DCAF12: variants seen among roughly 807,000 people sequenced by gnomAD.
DCAF12 encodes the protein DDB1 and CUL4 associated factor 12.
Under a neutral mutation model 52.8 loss-of-function variants are expected in DCAF12, and 28 were observed. The ratio of observed to expected loss-of-function variants is 0.53; its 90% CI spans 0.39 to 0.73. DCAF12 has a LOEUF of 0.73. Among genes scored for constraint, DCAF12 ranks in the 30% least tolerant of loss-of-function variants. The probability of loss-of-function intolerance (pLI) is 0.00; values close to 1 mark genes in which losing one functional copy is unlikely to be tolerated. For missense variants in DCAF12, 425 were observed against 552.2 expected, an observed-to-expected ratio of 0.77 and a Z score of 2.31; for synonymous variants, 196 against 215.5, an observed-to-expected ratio of 0.91 and a Z score of 0.79.
At chr9:34,101,433 C>T (rs935280319) in intron 4 of DCAF12, among the ~76,000 whole-genome samples, 2 of 151,370 alleles carry the variant, frequency 1.3e-5, no homozygotes, top group Non-Finnish European at 2.9e-5. Flanking sequence ...ACTCTTATTG[C>T]CCAGGCTAGA....
chr9:34,109,318 T>C (rs1223444383), intron 2 of DCAF12: 1 of 198,824 alleles, frequency 5.0e-6, no homozygotes, highest in South Asian at 1.1e-4. Flanking sequence ...CTGGAAGGCT[T>C]TGTGCCAGAA....
At chr9:34,099,037 T>C (rs1213013445) in intron 4 of DCAF12, among the ~76,000 whole-genome samples, 1 of 149,824 alleles carries the variant, frequency 6.7e-6, no homozygotes, top group African/African-American at 2.5e-5. Context: ...CCCAAAGTGC[T>C]AGGATTACAG....
chr9:34,106,064 C>T (rs144118073), intron 4 of DCAF12, among the ~76,000 whole-genome samples: 27 of 151,444 alleles, frequency 1.8e-4, no homozygotes, highest in Admixed American at 5.3e-4. Flanking sequence ...TTAAAATTTT[C>T]TTACAATAAA....
chr9:34,115,055 A>C (rs1829063182), intron 2 of DCAF12, among the ~76,000 whole-genome samples: 1 of 152,134 alleles, frequency 6.6e-6, no homozygotes, highest in Non-Finnish European at 1.5e-5. Flanking sequence ...ACTGGAGCCC[A>C]ATGAGAAAGG....
At position 34,126,337 on chromosome 9, in the gene DCAF12, G is replaced by A. The variant is rs1829249467; in HGVS notation, c.78+17C>T. The stretch of plus-strand genomic sequence containing the variant: ...TCCTCAGCCTCACCACCCAGGTGCC[G>A]GCCTCTCAACCCTCACCTGCGGGCC... On this transcript the variant is annotated intron_variant, in intron 1 of 8. Coordinates refer to ENST00000361264, the MANE Select transcript of DCAF12 (RefSeq NM_015397.4). 1 of 1,611,930 alleles carries A rather than the reference G, an allele frequency of 6.2e-7. No homozygotes were observed. Among genetic ancestry groups the A allele is most frequent in the Non-Finnish European group, 8.5e-7 (1 of 1,179,592 alleles).
chr9:34,093,357 T>G lies in DCAF12; in HGVS notation c.953A>C (p.His318Pro), dbSNP rs754261955. 6.2e-7 allele frequency: 1 copy of G among 1,614,220 alleles called. No homozygotes were observed. The highest frequency in any genetic ancestry group is 1.1e-5 in the South Asian group (1 of 91,090). The part of the protein sequence containing the change: ...WSVYAVGSQA[H>P]VSFLDPRQPS... ...CTGCCGTGGATCCAAGAAGGAGACA[T>G]GAGCTTGGGAGCCCACTGCATAAAC... Residue 318 changes from histidine to proline, a missense_variant, in exon 7 of 9, where the codon CAT (histidine) becomes CCT (proline). By Grantham distance (77) the His-to-Pro change is moderately conservative. Around this residue, in one of 3 missense-constraint regions of DCAF12, gnomAD observed 328 missense variants for 444.4 expected, o/e 0.74. Coordinates refer to ENST00000361264, the MANE Select transcript of DCAF12 (RefSeq NM_015397.4).
intron 6 of DCAF12, among the ~76,000 whole-genome samples, chr9:34,095,224 A>G (rs1206635475): frequency 1.3e-5 from 2 of 151,272 alleles, no homozygotes; most frequent in East Asian, 2.0e-4. Context: ...ACAGACGCCC[A>G]CCACCACGCC....
chr9:34,088,564 G>C (rs878875671), intron 8 of DCAF12, 56 bp from the exon 9 acceptor site: 10 of 1,592,512 alleles, frequency 6.3e-6, no homozygotes, highest in African/African-American at 2.7e-5. Context: ...GCAGGAAAAG[G>C]GGGAGGAAGG....
At chr9:34,089,997 A>G (rs1185939094) in intron 7 of DCAF12, 1 of 158,886 alleles carries the variant, frequency 6.3e-6, no homozygotes, top group Non-Finnish European at 1.4e-5. Context: ...CTGCATATTT[A>G]TAAATCATTA....
intron 2 of DCAF12, among the ~76,000 whole-genome samples, chr9:34,123,239 C>A (rs1829201989): frequency 6.6e-6 from 1 of 152,226 alleles, no homozygotes; most frequent in African/African-American, 2.4e-5. Flanking sequence ...CCTCTGAAAT[C>A]TTCACACATT....
At chr9:34,114,163 G>A (rs114179064) in intron 2 of DCAF12, among the ~76,000 whole-genome samples, 2,378 of 152,146 alleles carry the variant, frequency 0.016, 54 homozygotes, top group African/African-American at 0.054. Flanking sequence ...CTATAAAAAA[G>A]AATGAAATCC....
At chr9:34,103,479 C>T (rs1359712568) in intron 4 of DCAF12, among the ~76,000 whole-genome samples, 1 of 152,040 alleles carries the variant, frequency 6.6e-6, no homozygotes, top group African/African-American at 2.4e-5. Flanking sequence ...TCACAATACC[C>T]ATACACAAAG....
chr9:34,089,756 A>G, intron 7 of DCAF12, 166 bp from the exon 8 acceptor site: 1 of 571,732 alleles, frequency 1.7e-6, no homozygotes. Context: ...TAGCTCATGC[A>G]AAAGCAAAGA....
chr9:34,117,115 T>C (rs959738421), intron 2 of DCAF12, among the ~76,000 whole-genome samples: 1 of 152,246 alleles, frequency 6.6e-6, no homozygotes, highest in African/African-American at 2.4e-5. Flanking sequence ...TACTTCATAA[T>C]AGGTCTTGAA....
At chr9:34,115,915 T>C (rs1829081651) in intron 2 of DCAF12, among the ~76,000 whole-genome samples, 1 of 152,204 alleles carries the variant, frequency 6.6e-6, no homozygotes, top group African/African-American at 2.4e-5. Flanking sequence ...GTTCACTGCA[T>C]GAATATACTG....
At chr9:34,111,580 A>G (rs1829004161) in intron 2 of DCAF12, among the ~76,000 whole-genome samples, 1 of 152,226 alleles carries the variant, frequency 6.6e-6, no homozygotes, top group African/African-American at 2.4e-5. Flanking sequence ...GTCACCTTTC[A>G]GAGGGCCTGC....
chr9:34,105,399 C>A (rs754159188), intron 4 of DCAF12, among the ~76,000 whole-genome samples: 1 of 152,136 alleles, frequency 6.6e-6, no homozygotes, highest in Non-Finnish European at 1.5e-5. Flanking sequence ...GCACTCCAGC[C>A]TGGGTGACAG....
intron 2 of DCAF12, among the ~76,000 whole-genome samples, chr9:34,117,073 C>T (rs10971933): frequency 0.091 from 13,799 of 152,242 alleles, 906 homozygotes; most frequent in Non-Finnish European, 0.13. Context: ...ACAAGATGGA[C>T]TACACTACTA....
chr9:34,090,276 C>A (rs1040550137), intron 7 of DCAF12, among the ~76,000 whole-genome samples: 1 of 152,050 alleles, frequency 6.6e-6, no homozygotes, highest in Non-Finnish European at 1.5e-5. Context: ...GTTGGCCAGG[C>A]TGGTCTTGAA....
Sources: gnomAD v4.1 joint callset for allele counts (sites outside exome capture counted in the v4.1 genomes callset) on GRCh38, gnomAD v4.1.1 for gene constraint, gnomAD v4.1.1 regional missense constraint, MANE v1.5 for transcripts, NCBI Gene and HGNC (gene_info 2026-07-23, HGNC 2026-07-21) for gene names.